Variants in BACE2 observed in about 807,000 individuals in gnomAD.
BACE2 encodes the protein 56 kDa aspartic-like protease.
BACE2 carries 17 observed loss-of-function variants against 46.2 expected under a neutral mutation model. The observed-to-expected ratio is 0.37, with a 90% CI of 0.25 to 0.55. The LOEUF is 0.55. Ranked by LOEUF, BACE2 falls within the 20% of genes least tolerant of loss-of-function variation. BACE2 has a pLI of 0.82. For missense variants in BACE2, 595 were observed against 698.1 expected, an observed-to-expected ratio of 0.85 and a Z score of 1.66; for synonymous variants, 277 against 295.9, an observed-to-expected ratio of 0.94 and a Z score of 0.66.
chr21:41,242,216 C>T (rs1987315084), intron 4 of BACE2, among the ~76,000 whole-genome samples: 1 of 140,560 alleles, frequency 7.1e-6, no homozygotes, highest in African/African-American at 2.7e-5. Flanking sequence ...GCACTGCTTT[C>T]TGTGGGTGGG....
chr21:41,279,918 T>C lies in BACE2; in HGVS notation c.*4294T>C, dbSNP rs563617803. On this transcript the variant is annotated 3_prime_UTR_variant, in exon 9 of 9. Transcript: ENST00000330333. ...CCAGAAGAGAGGTCCCACCCCTCAG[T>C]TGGCAGTGGGGCACGGAGGTCCGCA... 8 of 152,382 alleles carry C rather than the reference T, an allele frequency of 5.2e-5. No homozygotes were observed. Among genetic ancestry groups the C allele is most frequent in the African/African-American group, 1.9e-4 (8 of 41,528 alleles). 9.4% of individuals were successfully genotyped at this position (152,382 alleles called of 1,614,324 possible).
intron 7 of BACE2, among the ~76,000 whole-genome samples, chr21:41,256,195 C>T (rs1172544781): frequency 6.6e-6 from 1 of 152,064 alleles, no homozygotes; most frequent in Non-Finnish European, 1.5e-5. Flanking sequence ...CGCCCATCAA[C>T]CCGTCACCTG....
At chr21:41,187,928 G>A (rs1985434626) in intron 1 of BACE2, among the ~76,000 whole-genome samples, 1 of 152,256 alleles carries the variant, frequency 6.6e-6, no homozygotes, top group South Asian at 2.1e-4. Flanking sequence ...AGCTCCCACA[G>A]CTTTTGTATA....
intron 2 of BACE2, among the ~76,000 whole-genome samples, chr21:41,234,582 C>G (rs1029849047): frequency 1.3e-5 from 2 of 152,186 alleles, no homozygotes; most frequent in Admixed American, 1.3e-4. Context: ...AAATTGCCAA[C>G]CTCTGTTCTA....
intron 1 of BACE2, among the ~76,000 whole-genome samples, chr21:41,201,910 T>C (rs1985978711): frequency 6.6e-6 from 1 of 152,214 alleles, no homozygotes; most frequent in Non-Finnish European, 1.5e-5. Flanking sequence ...TTTCAATGAT[T>C]AAAATTAAAA....
Position 41,230,066 on chromosome 21 carries a change from A to C in BACE2, c.401+3712A>C, listed in dbSNP as rs537050653. On this transcript the variant is annotated intron_variant, in intron 2 of 8. Coordinates refer to ENST00000330333, the MANE Select transcript of BACE2 (RefSeq NM_012105.5). ...ATTCAGTGTACCTTCCTTATTTGCG[A>C]GTACTGCAGAGACTGACTTATTACA... 2.6e-5 allele frequency: 4 copies of C among 152,348 alleles called. No homozygotes were observed. In the South Asian group the frequency reaches 8.3e-4, roughly 32 times the overall value. 9.4% of individuals were successfully genotyped at this position (152,348 alleles called of 1,614,324 possible). A position where few individuals can be genotyped will look rare whatever the true frequency, so the allele number is the denominator to read the frequency against.
intron 1 of BACE2, among the ~76,000 whole-genome samples, chr21:41,173,319 G>A (rs1449137102): frequency 6.6e-6 from 1 of 152,202 alleles, no homozygotes; most frequent in Non-Finnish European, 1.5e-5. Flanking sequence ...TTTTAGTGCT[G>A]TATTGATATG....
intron 7 of BACE2, 43 bp from the exon 8 acceptor site, chr21:41,257,115 G>A: frequency 6.2e-7 from 1 of 1,612,254 alleles, no homozygotes; most frequent in African/African-American, 1.3e-5. Flanking sequence ...TGCCTGATTT[G>A]TGCTTTTTCT....
At chr21:41,270,758 G>A (rs2088426648) in intron 8 of BACE2, among the ~76,000 whole-genome samples, 1 of 152,114 alleles carries the variant, frequency 6.6e-6, no homozygotes, top group African/African-American at 2.4e-5. Flanking sequence ...AATATTTCTT[G>A]TGCTCTTGAA....
At chr21:41,260,241 C>T (rs1025044205) in intron 8 of BACE2, among the ~76,000 whole-genome samples, 5 of 152,274 alleles carry the variant, frequency 3.3e-5, no homozygotes, top group African/African-American at 1.2e-4. Flanking sequence ...ACCTCCCAGG[C>T]TCAAGCAATC....
In BACE2 at chr21:41,259,671, T is replaced by C. The variant is rs184251753; in HGVS notation, c.1303+2345T>C. Reference sequence around the variant, plus strand: ...ATTATCCTGAGATTAGTGTATATTCTTATCTGAATTACTATACATTTATAA... The same window carrying C: ...ATTATCCTGAGATTAGTGTATATTCCTATCTGAATTACTATACATTTATAA... On this transcript the variant is annotated intron_variant, in intron 8 of 8. Transcript: ENST00000330333. Among the ~76,000 whole-genome samples, 32 of 151,178 alleles carry C rather than the reference T, an allele frequency of 2.1e-4. No individual in the cohort carries two copies. The East Asian group carries it at 6.2e-3, about 29-fold the overall frequency.
intron 1 of BACE2, among the ~76,000 whole-genome samples, chr21:41,212,224 A>G (rs760315081): frequency 3.9e-5 from 6 of 152,188 alleles, no homozygotes; most frequent in South Asian, 2.1e-4. Context: ...TGTGCTTCAT[A>G]GAGTCAGTGC....
At chr21:41,233,538 G>A (rs1048554135) in intron 2 of BACE2, among the ~76,000 whole-genome samples, 2 of 152,252 alleles carry the variant, frequency 1.3e-5, no homozygotes, top group Non-Finnish European at 2.9e-5. Context: ...ATGCTAAATA[G>A]ATATGCAGGC....
chr21:41,232,910 C>T (rs1987005906), intron 2 of BACE2, among the ~76,000 whole-genome samples: 1 of 149,892 alleles, frequency 6.7e-6, no homozygotes, highest in Admixed American at 6.6e-5. Flanking sequence ...GCTCTGTTGC[C>T]CAGGCTGGAG....
chr21:41,207,227 C>T (rs147041144), intron 1 of BACE2, among the ~76,000 whole-genome samples: 17 of 152,290 alleles, frequency 1.1e-4, no homozygotes, highest in South Asian at 6.2e-4. Context: ...GGGGTTCTTT[C>T]GGAGTGGCTT....
At chr21:41,246,576 G>T (rs1163929155) in intron 6 of BACE2, among the ~76,000 whole-genome samples, 2 of 152,036 alleles carry the variant, frequency 1.3e-5, no homozygotes, top group African/African-American at 4.8e-5. Context: ...TTGTATAAAA[G>T]AATACCATTT....
chr21:41,272,138 T>C (rs994252680), intron 8 of BACE2, among the ~76,000 whole-genome samples: 5 of 152,122 alleles, frequency 3.3e-5, no homozygotes, highest in Non-Finnish European at 7.4e-5. Flanking sequence ...AAGATGTTAC[T>C]CTATTGTCTT....
chr21:41,254,474 T>C (rs114695465), intron 7 of BACE2, among the ~76,000 whole-genome samples: 1,558 of 152,326 alleles, frequency 0.01, 30 homozygotes, highest in African/African-American at 0.035. Flanking sequence ...TCTTCCTGTC[T>C]CTGCCCTTTA....
chr21:41,255,294 G>A (rs1449961724), intron 7 of BACE2, among the ~76,000 whole-genome samples: 1 of 152,162 alleles, frequency 6.6e-6, no homozygotes, highest in African/African-American at 2.4e-5. Context: ...GGAGTCTCAG[G>A]CTAGATCACG....
Sources: gnomAD v4.1 joint callset for allele counts (sites outside exome capture counted in the v4.1 genomes callset) on GRCh38, gnomAD v4.1.1 for gene constraint, MANE v1.5 for transcripts, NCBI Gene and HGNC (gene_info 2026-07-23, HGNC 2026-07-21) for gene names.